CAMTA1: variants seen among roughly 807,000 people sequenced by gnomAD.
CAMTA1 encodes calmodulin binding transcription activator 1, also known as calmodulin-binding transcription activator 1.
In CAMTA1, 27 loss-of-function variants were observed where a neutral mutation model predicts 170.9. That is an observed-to-expected ratio of 0.16 (90% CI 0.12 to 0.22). The LOEUF (loss-of-function observed/expected upper bound fraction) is 0.22. CAMTA1 is among the 10% of genes least tolerant of loss of function. CAMTA1 has a pLI of 1.00. For missense variants in CAMTA1, 1,619 were observed against 2,217.2 expected, an observed-to-expected ratio of 0.73 and a Z score of 5.42; for synonymous variants, 833 against 891.5, an observed-to-expected ratio of 0.93 and a Z score of 1.17.
At chr1:7,204,513 A>G (rs1430429839) in intron 4 of CAMTA1, among the ~76,000 whole-genome samples, 3 of 152,128 alleles carry the variant, frequency 2.0e-5, no homozygotes, top group East Asian at 3.9e-4. Flanking sequence ...TTGTCATTAG[A>G]AGACATACTT....
rs1383556551 is a variant in CAMTA1, at chr1:7,768,689, G to A, written c.*2198G>A. 1.3e-5 allele frequency: 2 copies of A among 152,550 alleles called. No homozygotes were observed. The highest frequency in any genetic ancestry group is 2.4e-5 in the African/African-American group (1 of 41,372). The allele number at this position is 152,550 out of a possible 1,614,324, so 9.4% of individuals were successfully genotyped here. ...GTGATCAGCTTTGACAACAGTGACA[G>A]CCCCACAACTAGTAGCCACCTGTAC... On this transcript the variant is annotated 3_prime_UTR_variant, in exon 23 of 23. Transcript: ENST00000303635.
In CAMTA1 at chr1:7,665,015, G is replaced by T. The variant is rs760456938; in HGVS notation, c.2468G>T (p.Cys823Phe). The part of the protein sequence containing the change: ...PFTQAEMCLP[C>F]CSPQQGSLQL... The stretch of plus-strand genomic sequence containing the variant: ...ACCCAGGCAGAGATGTGCCTCCCCT[G>T]CTGTAGCCCCCAGCAGGGTAGCCTG... The change falls in exon 9 of 23, where the codon TGC (cysteine) becomes TTC (phenylalanine). Residue 823 changes from cysteine to phenylalanine, a missense_variant. Physicochemically the swap from Cys to Phe is radical, Grantham distance 205 (BLOSUM62 -2). This residue lies in a region of CAMTA1 where 731 missense variants were observed against 907.6 expected (regional missense o/e 0.81). Transcript: ENST00000303635. This position sits in a 1 kb window ranked among gnomAD's most constrained non-coding sequence, Gnocchi z 4.3. 1 of 1,597,140 alleles carries T rather than the reference G, an allele frequency of 6.3e-7. No individual in the cohort carries two copies. The highest frequency in any genetic ancestry group is 2.2e-5 in the East Asian group (1 of 44,722).
At chr1:7,054,336 C>T (rs1038700891) in intron 3 of CAMTA1, among the ~76,000 whole-genome samples, 3 of 152,282 alleles carry the variant, frequency 2.0e-5, no homozygotes, top group African/African-American at 7.2e-5. Flanking sequence ...TGACGAGAAG[C>T]AGCCTCCTGG....
intron 3 of CAMTA1, among the ~76,000 whole-genome samples, chr1:7,058,265 G>A (rs186639223): frequency 6.2e-4 from 95 of 152,294 alleles, no homozygotes; most frequent in African/African-American, 2.2e-3. Context: ...GTTCCTTGCC[G>A]TGCAGATTTG....
intron 3 of CAMTA1, among the ~76,000 whole-genome samples, chr1:6,987,830 C>T (rs1695612423): frequency 6.6e-6 from 1 of 152,082 alleles, no homozygotes; most frequent in African/African-American, 2.4e-5. Context: ...TCACTCCTTC[C>T]TTCCCCCTCC....
chr1:7,102,719 C>T (rs1377591203), intron 4 of CAMTA1, among the ~76,000 whole-genome samples: 1 of 152,186 alleles, frequency 6.6e-6, no homozygotes, highest in Non-Finnish European at 1.5e-5. Context: ...CCTCCAGTGT[C>T]ATGGGCTCGC....
chr1:7,177,501 A>C (rs1651142995), intron 4 of CAMTA1, among the ~76,000 whole-genome samples: 2 of 100,018 alleles, frequency 2.0e-5, no homozygotes, highest in Non-Finnish European at 2.1e-5. Flanking sequence ...CCCCTCCCAC[A>C]CACTGAGGCC....
intron 6 of CAMTA1, among the ~76,000 whole-genome samples, chr1:7,573,917 G>C (rs2095156919): frequency 6.6e-6 from 1 of 152,024 alleles, no homozygotes; most frequent in African/African-American, 2.4e-5. Context: ...GGGATTACAG[G>C]CGTGCACCAC....
At chr1:7,511,670 G>A (rs1463768813) in intron 6 of CAMTA1, among the ~76,000 whole-genome samples, 1 of 152,146 alleles carries the variant, frequency 6.6e-6, no homozygotes, top group Non-Finnish European at 1.5e-5. Context: ...CCCACCAGAG[G>A]CAGTTTCTCA....
intron 1 of CAMTA1, among the ~76,000 whole-genome samples, chr1:6,790,375 A>AGTGTGTGTGTGT (rs370868840): frequency 7.2e-5 from 10 of 139,128 alleles, no homozygotes; most frequent in South Asian, 4.7e-4. Flanking sequence ...AGAGAGAGAG[A>AGTGTGTGTGTGT]GTGTGTGTGT....
intron 3 of CAMTA1, 39 bp downstream of exon 3, chr1:6,825,249 AG>A (rs1272329492): frequency 8.4e-7 from 1 of 1,190,814 alleles, no homozygotes; most frequent in Non-Finnish European, 1.2e-6. Flanking sequence ...AATTATTTTA[AG>A]GGCAAATTTT....
At chr1:7,294,269 T>C (rs1239188307) in intron 5 of CAMTA1, among the ~76,000 whole-genome samples, 1 of 152,162 alleles carries the variant, frequency 6.6e-6, no homozygotes, top group East Asian at 1.9e-4. Flanking sequence ...TGTTTAACAC[T>C]GGCTGAGTGT....
Position 6,887,975 on chromosome 1 carries a change from T to G in CAMTA1, c.234+62765T>G. 1.7e-6 allele frequency: 2 copies of G among 1,209,212 alleles called. No individual in the cohort carries two copies. Among genetic ancestry groups the G allele is most frequent in the Non-Finnish European group, 2.1e-6 (2 of 963,674 alleles). The allele number at this position is 1,209,212 out of a possible 1,614,324, so 74.9% of individuals were successfully genotyped here. ...AGGGCTCTGTGCACACGCCTCCTGG[T>G]CCAGAGGCCTCCGTGACCATCCATG... On this transcript the variant is annotated intron_variant, in intron 3 of 22. Transcript: ENST00000303635. The surrounding 1 kb of genome is among the most constrained non-coding windows in gnomAD (Gnocchi z 4.1).
At chr1:7,347,176 G>T (rs895993327) in intron 5 of CAMTA1, among the ~76,000 whole-genome samples, 11 of 152,166 alleles carry the variant, frequency 7.2e-5, no homozygotes, top group African/African-American at 2.4e-4. Flanking sequence ...AGCGGCGGAT[G>T]GTTCTCAGAA....
At chr1:7,712,908 A>T (rs1329227656) in intron 11 of CAMTA1, among the ~76,000 whole-genome samples, 2 of 152,112 alleles carry the variant, frequency 1.3e-5, no homozygotes, top group Non-Finnish European at 2.9e-5. Flanking sequence ...AAACCATCAG[A>T]TCTCATGAGT....
chr1:7,509,167 A>G (rs1179857500), intron 6 of CAMTA1, among the ~76,000 whole-genome samples: 3 of 152,234 alleles, frequency 2.0e-5, no homozygotes, highest in Non-Finnish European at 4.4e-5. Context: ...AAGAATAAGC[A>G]GGTTGCTTCT....
chr1:7,329,186 GA>G (rs35478260), intron 5 of CAMTA1, among the ~76,000 whole-genome samples: 29,809 of 149,466 alleles, frequency 0.2, 3,148 homozygotes, highest in Non-Finnish European at 0.21. Flanking sequence ...GTAACATCTT[GA>G]AAAAAAAAAT....
intron 4 of CAMTA1, among the ~76,000 whole-genome samples, chr1:7,119,813 C>T (rs141084264): frequency 1.3e-5 from 2 of 152,192 alleles, no homozygotes; most frequent in East Asian, 1.9e-4. Context: ...AGAATTAAGC[C>T]GTACAGAAAA....
chr1:7,042,705 C>T (rs993414490), intron 3 of CAMTA1, among the ~76,000 whole-genome samples: 4 of 152,288 alleles, frequency 2.6e-5, no homozygotes, highest in South Asian at 2.1e-4. Context: ...GAAGCCCTAG[C>T]GGGTTTTGCT....
Sources: gnomAD v4.1 joint callset for allele counts (sites outside exome capture counted in the v4.1 genomes callset) on GRCh38, gnomAD v4.1.1 for gene constraint, gnomAD v4.1.1 regional missense constraint, Gnocchi (gnomAD v3.1) non-coding constraint, MANE v1.5 for transcripts, NCBI Gene and HGNC (gene_info 2026-07-23, HGNC 2026-07-21) for gene names.